The following PLA2G5 variants were observed in gnomAD, a reference collection of about 807,000 sequenced individuals.
The protein encoded by PLA2G5 is phospholipase A2 group V.
In PLA2G5, 12 loss-of-function variants were observed where a neutral mutation model predicts 15.9. That is an observed-to-expected ratio of 0.76 (90% CI 0.48 to 1.23). The LOEUF is 1.23. Among genes scored for constraint, PLA2G5 ranks in the 50% most tolerant of loss-of-function variants. PLA2G5 has a pLI of 0.00. For missense variants in PLA2G5, 169 were observed against 177.1 expected (o/e 0.95, Z 0.26); for synonymous variants, 71 against 71.4 (o/e 0.99, Z 0.03).
intron 2 of PLA2G5, among the ~76,000 whole-genome samples, chr1:20,060,738 CTTTTT>C (rs5772879): frequency 1.4e-5 from 2 of 144,216 alleles, no homozygotes; most frequent in East Asian, 4.1e-4. Context: ...TCTTTCTTTT[CTTTTT>C]TTTTTTTTGA....
At chr1:20,078,626 T>C (rs1002791575) in intron 1 of PLA2G5, among the ~76,000 whole-genome samples, 26 of 152,298 alleles carry the variant, frequency 1.7e-4, no homozygotes, top group African/African-American at 6.3e-4. Flanking sequence ...GCCTGGCACG[T>C]AGTAGACACT....
At position 20,091,231 on chromosome 1, in the gene PLA2G5, A is replaced by T. The variant is rs2016550628; in HGVS notation, c.*539A>T. On this transcript the variant is annotated 3_prime_UTR_variant, in exon 5 of 5. Transcript: ENST00000375108. ...GTGCCTCTTTCTCTGCCACTGGGGC[A>T]ATAAACCCAAAGATGTCTACATTAT... 6.5e-6 allele frequency: 1 copy of T among 152,746 alleles called. No homozygotes were observed. Among genetic ancestry groups the T allele is most frequent in the Admixed American group, 6.5e-5 (1 of 15,374 alleles). The allele number at this position is 152,746 out of a possible 1,614,324, so 9.5% of individuals were successfully genotyped here. A position where few individuals can be genotyped will look rare whatever the true frequency, so the allele number is the denominator to read the frequency against.
At chr1:20,087,723 TC>T (rs2016365266) in intron 3 of PLA2G5, among the ~76,000 whole-genome samples, 1 of 151,950 alleles carries the variant, frequency 6.6e-6, no homozygotes, top group South Asian at 2.1e-4. Flanking sequence ...AATGGTCAAT[TC>T]TAGGACCAAG....
chr1:20,071,794 T>C (rs2015389977), intron 1 of PLA2G5, among the ~76,000 whole-genome samples: 1 of 152,256 alleles, frequency 6.6e-6, no homozygotes, highest in Non-Finnish European at 1.5e-5. Flanking sequence ...AGCAAGACCT[T>C]TCTTGGCCAC....
At chr1:20,039,970 A>G (rs577558951) in intron 1 of PLA2G5, among the ~76,000 whole-genome samples, 1 of 152,320 alleles carries the variant, frequency 6.6e-6, no homozygotes, top group African/African-American at 2.4e-5. Context: ...ACTATTCACA[A>G]AGAACCACAA....
chr1:20,090,713 C>G lies in PLA2G5; in HGVS notation c.*21C>G. 6.2e-7 allele frequency: 1 copy of G among 1,613,380 alleles called. No homozygotes were observed. The highest frequency in any genetic ancestry group is 8.5e-7 in the Non-Finnish European group (1 of 1,179,322). On this transcript the variant is annotated 3_prime_UTR_variant, in exon 5 of 5. Transcript: ENST00000375108. ...CCTAGGCCTCCCCAGCGAGCTCCTC[C>G]CAGACCAAGACTTTTGTTCTGTTTT...
upstream of PLA2G5, among the ~76,000 whole-genome samples, chr1:20,067,359 G>T (rs137987356): frequency 8.5e-5 from 13 of 152,170 alleles, no homozygotes; most frequent in African/African-American, 1.2e-4. Flanking sequence ...AGAGAAGAGG[G>T]ATTTTCCTTA....
upstream of PLA2G5, chr1:20,069,089 G>C: frequency 2.1e-6 from 1 of 475,776 alleles, no homozygotes; most frequent in South Asian, 1.5e-5. Flanking sequence ...TGAAAACAAT[G>C]ATACGCAATT....
rs367941945 is a variant in PLA2G5, at chr1:20,042,029, G to A, written n.276+13320G>A. ...GGCATTAATGATAGAGGATCCTTGC[G>A]TAGTGAGGAAACCTCTTTCAGCCCA... On this transcript the variant is annotated intron_variant and non_coding_transcript_variant, in intron 1 of 6. Coordinates refer to the PLA2G5 transcript ENST00000460175. Among the ~76,000 whole-genome samples, 20 of 152,268 alleles carry A rather than the reference G, an allele frequency of 1.3e-4. 1 individual carries two copies. In the South Asian group the frequency reaches 1.5e-3, roughly 11 times the overall value.
At chr1:20,037,440 A>T (rs966348853) in intron 1 of PLA2G5, among the ~76,000 whole-genome samples, 2 of 152,182 alleles carry the variant, frequency 1.3e-5, no homozygotes, top group African/African-American at 4.8e-5. Context: ...GAATACCAGC[A>T]CCTGCTTCAG....
At chr1:20,075,196 A>G (rs75020460) in intron 1 of PLA2G5, among the ~76,000 whole-genome samples, 18 of 152,188 alleles carry the variant, frequency 1.2e-4, no homozygotes, top group African/African-American at 4.1e-4. Context: ...TTCTTATAGA[A>G]CTCAGGTTAT....
At chr1:20,063,853 C>T (rs2014873564) in intron 2 of PLA2G5, among the ~76,000 whole-genome samples, 1 of 152,204 alleles carries the variant, frequency 6.6e-6, no homozygotes, top group South Asian at 2.1e-4. Context: ...AACACGAAAT[C>T]TGTCCAGTGC....
At chr1:20,045,575 A>G (rs963414986) in intron 1 of PLA2G5, among the ~76,000 whole-genome samples, 4 of 152,220 alleles carry the variant, frequency 2.6e-5, no homozygotes, top group Non-Finnish European at 5.9e-5. Context: ...CCAAAATTGA[A>G]AGGAGAAAGA....
At chr1:20,061,782 C>T (rs2014747673) in intron 2 of PLA2G5, among the ~76,000 whole-genome samples, 1 of 152,194 alleles carries the variant, frequency 6.6e-6, no homozygotes. Context: ...AACTGTTGTA[C>T]ATCTTTGCAT....
intron 1 of PLA2G5, among the ~76,000 whole-genome samples, chr1:20,039,493 G>A (rs567786029): frequency 6.6e-6 from 1 of 152,294 alleles, no homozygotes; most frequent in East Asian, 1.9e-4. Flanking sequence ...TTGTTGCAAA[G>A]AATCAATGTC....
chr1:20,074,869 C>G (rs1234268325), intron 1 of PLA2G5, among the ~76,000 whole-genome samples: 3 of 152,240 alleles, frequency 2.0e-5, no homozygotes, highest in Admixed American at 6.5e-5. Flanking sequence ...GATTTGGAGA[C>G]AGACTGGGTA....
chr1:20,053,027 T>G (rs1303103080), intron 1 of PLA2G5, among the ~76,000 whole-genome samples: 1 of 152,192 alleles, frequency 6.6e-6, no homozygotes, highest in East Asian at 1.9e-4. Flanking sequence ...CTATGTTGAT[T>G]GATGTCTTAT....
chr1:20,091,696 G>A lies in PLA2G5; in HGVS notation c.*1004G>A, dbSNP rs949007718. ...GTAAGGACATTAAAAAAACCAACCCGTCTATCAATTCATAAAAGAAAGGAT... is the reference window on the plus strand; with the variant it reads ...GTAAGGACATTAAAAAAACCAACCCATCTATCAATTCATAAAAGAAAGGAT... On this transcript the variant is annotated 3_prime_UTR_variant, in exon 5 of 5. Coordinates refer to ENST00000375108, the MANE Select transcript of PLA2G5 (RefSeq NM_000929.3). 4.6e-5 allele frequency among the ~76,000 whole-genome samples: 7 copies of A among 151,726 alleles called. No individual in the cohort carries two copies. Among genetic ancestry groups the A allele is most frequent in the African/African-American group, 7.3e-5 (3 of 41,260 alleles).
At chr1:20,065,311 G>C (rs944562718), upstream of PLA2G5, among the ~76,000 whole-genome samples, 2 of 152,158 alleles carry the variant, frequency 1.3e-5, no homozygotes, top group Non-Finnish European at 2.9e-5. Context: ...GTTCACCTTT[G>C]TGATGTGCAG....
Sources: gnomAD v4.1 joint callset for allele counts (sites outside exome capture counted in the v4.1 genomes callset) on GRCh38, gnomAD v4.1.1 for gene constraint, MANE v1.5 for transcripts, NCBI Gene and HGNC (gene_info 2026-07-23, HGNC 2026-07-21) for gene names.